Variants in KCNJ16 observed in about 807,000 individuals in gnomAD.
KCNJ16 encodes the protein potassium inwardly rectifying channel subfamily J member 16.
Under a neutral mutation model 18.5 loss-of-function variants are expected in KCNJ16, and 15 were observed. The observed-to-expected ratio is 0.81, with a 90% CI of 0.54 to 1.25. The LOEUF is 1.25. Among genes scored for constraint, KCNJ16 ranks in the 50% most tolerant of loss-of-function variants. KCNJ16 has a pLI of 0.00. For synonymous variants in KCNJ16, 174 were observed against 186.5 expected, an observed-to-expected ratio of 0.93 and a Z score of 0.55; for missense variants, 523 against 525.7, an observed-to-expected ratio of 0.99 and a Z score of 0.05.
chr17:70,082,857 A>C (rs536909097), intron 1 of KCNJ16, among the ~76,000 whole-genome samples: 1 of 152,304 alleles, frequency 6.6e-6, no homozygotes, highest in South Asian at 2.1e-4. Context: ...CAGAAAGAAC[A>C]CTGGGCCCAA....
chr17:70,120,996 G>A (rs775919080), intron 2 of KCNJ16, among the ~76,000 whole-genome samples: 4 of 152,258 alleles, frequency 2.6e-5, no homozygotes, highest in African/African-American at 4.8e-5. Flanking sequence ...AGACAAGTTA[G>A]GGGGTATAAA....
chr17:70,088,417 C>T (rs980169733), intron 1 of KCNJ16, among the ~76,000 whole-genome samples: 18 of 152,218 alleles, frequency 1.2e-4, no homozygotes, highest in African/African-American at 4.3e-4. Context: ...TCTGCTGTTG[C>T]TGTTCACCGC....
chr17:70,115,546 T>C (rs896417260), intron 2 of KCNJ16, among the ~76,000 whole-genome samples: 3 of 152,164 alleles, frequency 2.0e-5, no homozygotes, highest in Non-Finnish European at 4.4e-5. Flanking sequence ...AAAAGAAAGA[T>C]TGTTAAAACA....
At chr17:70,089,597 G>C (rs1263792347) in intron 1 of KCNJ16, among the ~76,000 whole-genome samples, 1 of 152,060 alleles carries the variant, frequency 6.6e-6, no homozygotes, top group Non-Finnish European at 1.5e-5. Context: ...AAAACTACAG[G>C]GTTTCCATAG....
intron 1 of KCNJ16, among the ~76,000 whole-genome samples, chr17:70,077,470 G>A (rs1356521775): frequency 1.3e-5 from 2 of 152,162 alleles, no homozygotes; most frequent in Non-Finnish European, 2.9e-5. Context: ...GAACATCAAG[G>A]CTGTGCTGAG....
chr17:70,088,102 CAAAACT>C (rs1567779947), intron 1 of KCNJ16, among the ~76,000 whole-genome samples: 1 of 150,952 alleles, frequency 6.6e-6, no homozygotes, highest in Non-Finnish European at 1.5e-5. Context: ...CTCACCACCA[CAAAACT>C]GTTTTCTTTT....
rs77037824 is a variant in KCNJ16 at position 70,134,094 on chromosome 17, G to A, written c.*750G>A. The A allele has an allele frequency of 1.2e-5, 2 of 167,216 alleles. No individual in the cohort carries two copies. Among genetic ancestry groups the A allele is most frequent in the African/African-American group, 4.8e-5 (2 of 41,572 alleles). 10.4% of individuals were successfully genotyped at this position (167,216 alleles called of 1,614,324 possible). ...TGGAGACCAGAAACAAGGCAACCAC[G>A]ACCTTGCTAGGTTCTCTGAGGAGGG... On this transcript the variant is annotated 3_prime_UTR_variant, in exon 4 of 4. Coordinates refer to ENST00000392671, the MANE Select transcript of KCNJ16 (RefSeq NM_170741.4).
At chr17:70,077,187 C>T (rs2071352326) in intron 1 of KCNJ16, among the ~76,000 whole-genome samples, 1 of 152,176 alleles carries the variant, frequency 6.6e-6, no homozygotes, top group South Asian at 2.1e-4. Flanking sequence ...GCAGGGAATA[C>T]ATGAGGTCCT....
At chr17:70,097,223 T>C (rs1458499786) in intron 1 of KCNJ16, among the ~76,000 whole-genome samples, 1 of 152,116 alleles carries the variant, frequency 6.6e-6, no homozygotes, top group Admixed American at 6.5e-5. Flanking sequence ...ACAAAGGACA[T>C]GTCAATGGCA....
chr17:70,122,724 T>C (rs2073693676), intron 2 of KCNJ16, among the ~76,000 whole-genome samples: 1 of 152,210 alleles, frequency 6.6e-6, no homozygotes, highest in Non-Finnish European at 1.5e-5. Flanking sequence ...TGCCTCTCTC[T>C]TTCAACACCT....
chr17:70,080,159 T>C (rs1344300371), intron 1 of KCNJ16, among the ~76,000 whole-genome samples: 1 of 152,218 alleles, frequency 6.6e-6, no homozygotes, highest in Non-Finnish European at 1.5e-5. Flanking sequence ...TTAAAATCAC[T>C]ATCCATATCA....
Position 70,130,933 on chromosome 17 carries a change from C to G in KCNJ16, c.-136C>G. ...GTTTTAAATTTCACTTTGACTTGAG[C>G]TGGGAAATCCTTTGGCCTATTATAC... is the stretch of plus-strand genomic sequence containing the variant. On this transcript the variant is annotated 5_prime_UTR_variant, in exon 3 of 4. Coordinates refer to ENST00000392671, the MANE Select transcript of KCNJ16 (RefSeq NM_170741.4). The G allele has an allele frequency of 1.3e-6, 2 of 1,531,368 alleles. No individual in the cohort carries two copies. The highest frequency in any genetic ancestry group is 3.3e-4 in the Middle Eastern group (2 of 5,972). 94.9% of individuals were successfully genotyped at this position (1,531,368 alleles called of 1,614,324 possible).
chr17:70,095,815 A>C lies in KCNJ16; in HGVS notation c.-299-4843A>C, dbSNP rs563621180. On this transcript the variant is annotated intron_variant, in intron 1 of 3. Transcript: ENST00000392671. ...GAAACTGATTCAAACTTGGGTCAAG[A>C]TCCCTTTGATCTAGCTCAAATCTGT... Among the ~76,000 whole-genome samples the C allele has an allele frequency of 4.6e-5, 7 of 150,688 alleles. No homozygotes were observed. The East Asian group carries it at 1.4e-3, about 29-fold the overall frequency.
chr17:70,090,477 C>A (rs1242589612), intron 1 of KCNJ16, among the ~76,000 whole-genome samples: 1 of 152,188 alleles, frequency 6.6e-6, no homozygotes, highest in Admixed American at 6.5e-5. Context: ...CATTCTGGCA[C>A]AGAGTCCTAC....
In KCNJ16 at chr17:70,098,605, A is replaced by T. The variant is rs558231515; in HGVS notation, c.-299-2053A>T. 4.0e-5 allele frequency among the ~76,000 whole-genome samples: 6 copies of T among 151,096 alleles called. No individual in the cohort carries two copies. In the East Asian group the frequency reaches 1.2e-3, roughly 29 times the overall value. ...GTATTACGTGTGTGTGTGCATATAG[A>T]TATTATTAAATTATAATGTACACTG... is the stretch of plus-strand genomic sequence containing the variant. On this transcript the variant is annotated intron_variant, in intron 1 of 3. Coordinates refer to ENST00000392671, the MANE Select transcript of KCNJ16 (RefSeq NM_170741.4).
At chr17:70,111,967 C>T (rs1005289827) in intron 2 of KCNJ16, among the ~76,000 whole-genome samples, 3 of 152,152 alleles carry the variant, frequency 2.0e-5, no homozygotes, top group Non-Finnish European at 4.4e-5. Flanking sequence ...CTAACTAATA[C>T]GGTCACCAAT....
chr17:70,107,751 T>C (rs1012806142), intron 2 of KCNJ16, among the ~76,000 whole-genome samples: 2 of 152,170 alleles, frequency 1.3e-5, no homozygotes. Context: ...CTGACACTGT[T>C]TATTTCCAAT....
intron 2 of KCNJ16, chr17:70,104,711 G>A (rs1489928681): frequency 6.6e-6 from 1 of 152,296 alleles, no homozygotes; most frequent in East Asian, 1.9e-4. Context: ...CCAGAGGTTT[G>A]ATCAGAAAAC....
At chr17:70,118,203 A>G (rs2073486608) in intron 2 of KCNJ16, among the ~76,000 whole-genome samples, 1 of 141,628 alleles carries the variant, frequency 7.1e-6, no homozygotes, top group African/African-American at 2.9e-5. Flanking sequence ...CCTGTTTTAA[A>G]GAAAACAATA....
Sources: gnomAD v4.1 joint callset for allele counts (sites outside exome capture counted in the v4.1 genomes callset) on GRCh38, gnomAD v4.1.1 for gene constraint, MANE v1.5 for transcripts, NCBI Gene and HGNC (gene_info 2026-07-23, HGNC 2026-07-21) for gene names.